Variants in ETFA observed in about 807,000 individuals in gnomAD.
The protein encoded by ETFA is electron transfer flavoprotein subunit alpha, mitochondrial.
Under a neutral mutation model 46.2 loss-of-function variants are expected in ETFA, and 22 were observed. That is an observed-to-expected ratio of 0.48 (90% CI 0.34 to 0.68). The LOEUF (loss-of-function observed/expected upper bound fraction) is 0.68, where lower values mean the gene tolerates loss of function less well. Among genes scored for constraint, ETFA ranks in the 30% least tolerant of loss-of-function variants. The pLI is 0.01. For missense variants in ETFA, 345 were observed against 401.1 expected (o/e 0.86, Z 1.19); for synonymous variants, 131 against 139.9 (o/e 0.94, Z 0.45).
At chr15:76,242,692 T>C (rs1207500043) in intron 9 of ETFA, among the ~76,000 whole-genome samples, 1 of 152,204 alleles carries the variant, frequency 6.6e-6, no homozygotes, top group Non-Finnish European at 1.5e-5. Flanking sequence ...TGTTTACAGA[T>C]GACTGGACCA....
intron 9 of ETFA, among the ~76,000 whole-genome samples, chr15:76,266,675 G>A (rs982878164): frequency 1.8e-4 from 28 of 152,104 alleles, no homozygotes; most frequent in Admixed American, 6.5e-5. Context: ...AGGCCAAGGC[G>A]GGTGGCTCAT....
chr15:76,260,789 G>A (rs1240475075), intron 9 of ETFA: 25 of 1,605,074 alleles, frequency 1.6e-5, no homozygotes, highest in South Asian at 6.6e-5. Context: ...CATAAGGAGA[G>A]GGCCCCAAAG....
At chr15:76,241,180 C>T (rs996433775) in intron 9 of ETFA, among the ~76,000 whole-genome samples, 3 of 152,010 alleles carry the variant, frequency 2.0e-5, no homozygotes, top group East Asian at 1.9e-4. Flanking sequence ...TATTACAAAG[C>T]TTTGCATTTT....
At chr15:76,232,155 T>A (rs1016879423) in intron 9 of ETFA, among the ~76,000 whole-genome samples, 1 of 152,200 alleles carries the variant, frequency 6.6e-6, no homozygotes, top group Non-Finnish European at 1.5e-5. Context: ...TTCCTGCCCC[T>A]CTGCCCTCAA....
chr15:76,235,226 C>T (rs767443724), intron 9 of ETFA, among the ~76,000 whole-genome samples: 25 of 152,128 alleles, frequency 1.6e-4, no homozygotes, highest in Non-Finnish European at 3.1e-4. Flanking sequence ...GTGTCACTCA[C>T]GGGTTGAGGT....
intron 7 of ETFA, chr15:76,284,698 G>C (rs2141529331): frequency 5.7e-6 from 1 of 175,296 alleles, no homozygotes; most frequent in South Asian, 9.5e-5. Flanking sequence ...CACTATGTTG[G>C]CCAGGCTGGT....
intron 1 of ETFA, among the ~76,000 whole-genome samples, chr15:76,306,326 G>A (rs1203387194): frequency 6.9e-6 from 1 of 144,118 alleles, no homozygotes; most frequent in Non-Finnish European, 1.5e-5. Context: ...CAGTGCAGTG[G>A]CGCGATCTCA....
intron 8 of ETFA, among the ~76,000 whole-genome samples, chr15:76,276,994 C>T (rs963692380): frequency 5.3e-5 from 8 of 152,088 alleles, no homozygotes; most frequent in African/African-American, 1.9e-4. Context: ...GCAATATTTT[C>T]TTGATAGCCC....
chr15:76,217,726 T>C (rs1318629546), intron 11 of ETFA: 1 of 420,696 alleles, frequency 2.4e-6, no homozygotes, highest in African/African-American at 2.0e-5. Context: ...CAGCCACTTG[T>C]GCAAAGTATC....
intron 9 of ETFA, among the ~76,000 whole-genome samples, chr15:76,251,794 C>T (rs1441598721): frequency 6.6e-6 from 1 of 152,166 alleles, no homozygotes; most frequent in Non-Finnish European, 1.5e-5. Flanking sequence ...TAAGCCTGAA[C>T]AGCAGATACG....
chr15:76,259,479 A>G, intron 9 of ETFA: 2 of 868,204 alleles, frequency 2.3e-6, no homozygotes, highest in Non-Finnish European at 4.0e-6. Flanking sequence ...ATTCCCGCCA[A>G]TGAGGTAGTT....
At chr15:76,266,644 C>T (rs964036742) in intron 9 of ETFA, among the ~76,000 whole-genome samples, 3 of 152,178 alleles carry the variant, frequency 2.0e-5, no homozygotes, top group African/African-American at 7.2e-5. Flanking sequence ...TGACTCATGC[C>T]TGTAATCCCA....
intron 1 of ETFA, among the ~76,000 whole-genome samples, chr15:76,302,383 G>GAAA (rs36097351): frequency 1.3e-4 from 20 of 149,508 alleles, no homozygotes; most frequent in African/African-American, 4.9e-4. Context: ...ATTACTTAGT[G>GAAA]AAAAAAAAAA....
chr15:76,256,647 G>A (rs1165446967), intron 9 of ETFA, among the ~76,000 whole-genome samples: 7 of 152,180 alleles, frequency 4.6e-5, no homozygotes, highest in Non-Finnish European at 7.3e-5. Context: ...TATGAGCTTT[G>A]AAGATTCTTC....
At chr15:76,269,344 G>C (rs952172717) in intron 9 of ETFA, among the ~76,000 whole-genome samples, 1 of 152,138 alleles carries the variant, frequency 6.6e-6, no homozygotes, top group African/African-American at 2.4e-5. Context: ...AATACCTAGT[G>C]GCCTTTGGAA....
At chr15:76,295,789 T>G (rs1451182125) in intron 1 of ETFA, 52 bp from the exon 2 acceptor site, 16 of 1,349,330 alleles carry the variant, frequency 1.2e-5, no homozygotes, top group Non-Finnish European at 1.4e-5. Context: ...TCACAGGGTT[T>G]TTTTTTTTTT....
rs562661713 is a variant in ETFA, at chr15:76,220,318, T to C, written c.964-3721A>G. ...CGTGACATCGAGTGATCCACCCACC[T>C]TGGCCTCCCAGTGCTGGGATTACAG... On this transcript the variant is annotated intron_variant, in intron 11 of 11. Transcript: ENST00000557943. Among the ~76,000 whole-genome samples the C allele has an allele frequency of 9.2e-5, 14 of 152,358 alleles. No homozygotes were observed. In the South Asian group the frequency reaches 2.9e-3, roughly 32 times the overall value.
chr15:76,264,073 C>T (rs552209264), intron 9 of ETFA, among the ~76,000 whole-genome samples: 1 of 152,226 alleles, frequency 6.6e-6, no homozygotes, highest in Non-Finnish European at 1.5e-5. Flanking sequence ...CATGGCAAAC[C>T]CAGCAAGAAG....
intron 5 of ETFA, 41 bp from the exon 6 acceptor site, chr15:76,286,522 G>A (rs751459392): frequency 2.4e-6 from 3 of 1,264,610 alleles, no homozygotes; most frequent in East Asian, 2.3e-5. Context: ...ACAGCAAAAG[G>A]CAACAAAACT....
Sources: gnomAD v4.1 joint callset for allele counts (sites outside exome capture counted in the v4.1 genomes callset) on GRCh38, gnomAD v4.1.1 for gene constraint, MANE v1.5 for transcripts, NCBI Gene and HGNC (gene_info 2026-07-23, HGNC 2026-07-21) for gene names.